Variants in FBN1 observed in about 807,000 individuals in gnomAD.
The protein encoded by FBN1 is fibrillin 1, also known as fibrillin-1.
In FBN1, 29 loss-of-function variants were observed where a neutral mutation model predicts 365.1. The observed-to-expected ratio is 0.08, with a 90% CI of 0.06 to 0.11. The LOEUF (loss-of-function observed/expected upper bound fraction) is 0.11. Among genes scored for constraint, FBN1 ranks in the 10% least tolerant of loss-of-function variants. FBN1 has a pLI of 1.00. For missense variants in FBN1, 2,476 were observed against 3,703.2 expected (o/e 0.67, Z 8.60); for synonymous variants, 1,210 against 1,270.5 (o/e 0.95, Z 1.01).
Position 48,410,755 on chromosome 15 carries a change from A to G in FBN1, c.*235T>C, listed in dbSNP as rs1597506366. 6 of 498,764 alleles carry G rather than the reference A, an allele frequency of 1.2e-5. No individual in the cohort carries two copies. The highest frequency in any genetic ancestry group is 3.4e-5 in the East Asian group (1 of 29,384). The allele number at this position is 498,764 out of a possible 1,614,324, so 30.9% of individuals were successfully genotyped here. On this transcript the variant is annotated 3_prime_UTR_variant, in exon 66 of 66. Coordinates refer to ENST00000316623, the MANE Select transcript of FBN1 (RefSeq NM_000138.5). ...ATACACGTCCCAGTTTTCAAGAATCAACACATATGACAAGGTAGCTTAGCT... is the reference window on the plus strand; with the variant it reads ...ATACACGTCCCAGTTTTCAAGAATCGACACATATGACAAGGTAGCTTAGCT...
At chr15:48,587,960 A>G (rs970397444) in intron 6 of FBN1, among the ~76,000 whole-genome samples, 5 of 152,210 alleles carry the variant, frequency 3.3e-5, no homozygotes, top group African/African-American at 1.2e-4. Context: ...TCAAATATCA[A>G]TGCAGCCTCT....
In FBN1 at chr15:48,644,777, A is replaced by T. The variant is rs755896931; in HGVS notation, c.-8T>A. On this transcript the variant is annotated 5_prime_UTR_variant, in exon 2 of 66. Coordinates refer to ENST00000316623, the MANE Select transcript of FBN1 (RefSeq NM_000138.5). ...CAGACGCCCTCGACGCATGATGCCG[A>T]GCCGCCACCGGCTCCCGCCGCCTCT... The T allele has an allele frequency of 1.2e-6, 2 of 1,604,374 alleles. No homozygotes were observed.
In FBN1 at chr15:48,441,835, A is replaced by G. The variant is rs1555395486; in HGVS notation, c.6049T>C (p.Cys2017Arg). ...GCACAAATTTCTGGCTCTTCGACAC[A>G]CTCATCAATATCTAAAAGAATCACA... ...QNEKCEDIDECVEEPEICALG... is the reference protein window; with the variant it reads ...QNEKCEDIDERVEEPEICALG... Residue 2017 changes from cysteine (C) to arginine (R), a missense_variant, in exon 50 of 66, where the codon TGT becomes CGT. Around this residue, in one of 5 missense-constraint regions of FBN1, gnomAD observed 1,780 missense variants for 2,840.8 expected, o/e 0.63. Transcript: ENST00000316623. 1 of 1,613,432 alleles carries G rather than the reference A, an allele frequency of 6.2e-7. No individual in the cohort carries two copies. Among genetic ancestry groups the G allele is most frequent in the Non-Finnish European group, 8.5e-7 (1 of 1,179,604 alleles).
chr15:48,514,409 T>C (rs1337338759), intron 12 of FBN1, among the ~76,000 whole-genome samples: 1 of 152,188 alleles, frequency 6.6e-6, no homozygotes, highest in African/African-American at 2.4e-5. Context: ...GGTGTTCATA[T>C]CATCAGGAAA....
chr15:48,559,528 G>C (rs1165369668), intron 6 of FBN1, among the ~76,000 whole-genome samples: 2 of 152,164 alleles, frequency 1.3e-5, no homozygotes, highest in Non-Finnish European at 2.9e-5. Flanking sequence ...GCAAAGCACA[G>C]TTTTTACAAT....
At chr15:48,508,317 A>G (rs568875226) in intron 15 of FBN1, among the ~76,000 whole-genome samples, 2 of 152,346 alleles carry the variant, frequency 1.3e-5, no homozygotes, top group South Asian at 4.1e-4. Flanking sequence ...ACCAATAGGC[A>G]GTTTGGATTA....
chr15:48,598,616 G>C (rs778993525), intron 5 of FBN1, among the ~76,000 whole-genome samples: 11 of 152,110 alleles, frequency 7.2e-5, no homozygotes, highest in Non-Finnish European at 1.5e-4. Context: ...TCTTGTGCTG[G>C]TGCTTTGGTC....
At chr15:48,589,715 G>C (rs764347845) in intron 6 of FBN1, among the ~76,000 whole-genome samples, 1 of 144,486 alleles carries the variant, frequency 6.9e-6, no homozygotes, top group African/African-American at 2.6e-5. Flanking sequence ...CTGGGTTCAC[G>C]CCATTCTCCC....
chr15:48,480,536 CT>C (rs1170562152), intron 32 of FBN1, among the ~76,000 whole-genome samples: 1 of 152,106 alleles, frequency 6.6e-6, no homozygotes, highest in Non-Finnish European at 1.5e-5. Flanking sequence ...CATGCTTCTT[CT>C]CATAATTTGG....
At chr15:48,638,390 T>C (rs1387140309) in intron 2 of FBN1, among the ~76,000 whole-genome samples, 3 of 152,226 alleles carry the variant, frequency 2.0e-5, no homozygotes, top group Non-Finnish European at 4.4e-5. Flanking sequence ...CAAGATTTAT[T>C]ATAACTGTAA....
At chr15:48,572,474 A>G (rs1411009714) in intron 6 of FBN1, among the ~76,000 whole-genome samples, 2 of 152,068 alleles carry the variant, frequency 1.3e-5, no homozygotes, top group East Asian at 3.9e-4. Flanking sequence ...TCCAGACCAG[A>G]AACAGTAAAA....
chr15:48,465,648 T>C lies in FBN1; in HGVS notation c.4862A>G (p.Lys1621Arg). The C allele has an allele frequency of 1.9e-6, 3 of 1,614,112 alleles. No individual in the cohort carries two copies. The highest frequency in any genetic ancestry group is 2.2e-5 in the East Asian group (1 of 44,882). ...GAAACTCCCAAAGGTGTTGATACAT[T>C]TTCCTCCTTGGCACAGCCCTGGTAG... ...QELPGLCQGGKCINTFGSFQC... is the reference protein window; with the variant it reads ...QELPGLCQGGRCINTFGSFQC... The change falls in exon 40 of 66, where the codon AAA (lysine) becomes AGA (arginine). Residue 1621 changes from lysine (K) to arginine (R), a missense_variant. Coordinates refer to ENST00000316623, the MANE Select transcript of FBN1 (RefSeq NM_000138.5).
intron 6 of FBN1, among the ~76,000 whole-genome samples, chr15:48,562,949 T>C (rs1481589456): frequency 6.6e-6 from 1 of 152,222 alleles, no homozygotes; most frequent in Non-Finnish European, 1.5e-5. Flanking sequence ...CAAAAGAAGA[T>C]GTTTTTATCT....
intron 6 of FBN1, among the ~76,000 whole-genome samples, chr15:48,555,554 A>C (rs933900821): frequency 1.3e-5 from 2 of 152,168 alleles, no homozygotes; most frequent in African/African-American, 4.8e-5. Context: ...ATTGCTGTAC[A>C]TTGACTATTT....
At chr15:48,628,650 C>T (rs1889930625) in intron 2 of FBN1, among the ~76,000 whole-genome samples, 1 of 152,134 alleles carries the variant, frequency 6.6e-6, no homozygotes. Context: ...ACAACAAAGT[C>T]GCAGATAAGA....
At chr15:48,626,324 A>G (rs1889878504) in intron 2 of FBN1, among the ~76,000 whole-genome samples, 1 of 152,134 alleles carries the variant, frequency 6.6e-6, no homozygotes, top group Admixed American at 6.5e-5. Context: ...CTACTTTTTT[A>G]AATTTTAGAA....
intron 65 of FBN1, among the ~76,000 whole-genome samples, chr15:48,411,952 G>C (rs2042867147): frequency 1.3e-5 from 2 of 152,214 alleles, no homozygotes; most frequent in Admixed American, 1.3e-4. Context: ...CCTACTTCCT[G>C]ACTGTGATGA....
chr15:48,472,463 A>T lies in FBN1; in HGVS notation c.4336+88T>A, dbSNP rs1377368752. The T allele has an allele frequency of 3.4e-5, 48 of 1,409,388 alleles. No homozygotes were observed. In the Admixed American group the frequency reaches 3.4e-4, roughly 10 times the overall value. The allele number at this position is 1,409,388 out of a possible 1,614,324, so 87.3% of individuals were successfully genotyped here. On this transcript the variant is annotated intron_variant, in intron 35 of 65. Transcript: ENST00000316623. ...AGCTAAAACACACCTCAGTTTAAAAAAAAAAAAAAAAAAAAGCATCAGGAA... is the reference window on the plus strand; with the variant it reads ...AGCTAAAACACACCTCAGTTTAAAATAAAAAAAAAAAAAAAGCATCAGGAA...
At chr15:48,626,833 A>G (rs986755983) in intron 2 of FBN1, among the ~76,000 whole-genome samples, 3 of 152,200 alleles carry the variant, frequency 2.0e-5, no homozygotes, top group Admixed American at 1.3e-4. Flanking sequence ...CCAAATCAGT[A>G]CTTTAGTCCA....
Sources: allele counts gnomAD v4.1 joint callset (sites outside exome capture counted in the v4.1 genomes callset), GRCh38; gene constraint gnomAD v4.1.1; regional missense constraint gnomAD v4.1.1; transcripts MANE v1.5; gene names NCBI Gene and HGNC (gene_info 2026-07-23, HGNC 2026-07-21).